The following CAND1 variants were observed in gnomAD, a reference collection of about 807,000 sequenced individuals.
CAND1 encodes cullin-associated NEDD8-dissociated protein 1.
In CAND1, 7 loss-of-function variants were observed where a neutral mutation model predicts 108.5. The observed-to-expected ratio is 0.06, with a 90% CI of 0.04 to 0.12. The LOEUF (loss-of-function observed/expected upper bound fraction) is 0.12, where lower values mean the gene tolerates loss of function less well. Ranked by LOEUF, CAND1 falls within the 10% of genes least tolerant of loss-of-function variation. The pLI is 1.00. For synonymous variants in CAND1, 534 were observed against 512.0 expected (o/e 1.04, Z -0.58); for missense variants, 941 against 1,448.7 (o/e 0.65, Z 5.69).
chr12:67,284,922 G>A (rs956074272), intron 2 of CAND1, among the ~76,000 whole-genome samples: 3 of 152,140 alleles, frequency 2.0e-5, no homozygotes, highest in Admixed American at 6.5e-5. Context: ...AAGACAGAGG[G>A]GTAGGAAGAA....
intron 2 of CAND1, among the ~76,000 whole-genome samples, chr12:67,283,773 G>A (rs1189622431): frequency 6.6e-6 from 1 of 152,030 alleles, no homozygotes; most frequent in Non-Finnish European, 1.5e-5. Context: ...GTCCCATATT[G>A]AGAGTTGGGA....
At chr12:67,272,044 A>G (rs946347067) in intron 1 of CAND1, among the ~76,000 whole-genome samples, 5 of 152,280 alleles carry the variant, frequency 3.3e-5, no homozygotes, top group Admixed American at 2.0e-4. Flanking sequence ...CCTTGTTCTC[A>G]TTAGAAGTTT....
chr12:67,290,751 A>G (rs2044714953), intron 2 of CAND1, among the ~76,000 whole-genome samples: 1 of 152,216 alleles, frequency 6.6e-6, no homozygotes, highest in Non-Finnish European at 1.5e-5. Context: ...GTGACTTCTT[A>G]ATATAGGGGT....
chr12:67,271,063 A>G (rs1175685134), intron 1 of CAND1, among the ~76,000 whole-genome samples: 4 of 152,368 alleles, frequency 2.6e-5, no homozygotes, highest in East Asian at 3.9e-4. Flanking sequence ...AAAATAATCA[A>G]TGACCACAAA....
At chr12:67,302,262 GT>G (rs2044832233) in intron 7 of CAND1, 60 bp from the exon 8 acceptor site, 14 of 1,438,468 alleles carry the variant, frequency 9.7e-6, no homozygotes, top group Non-Finnish European at 1.3e-5. Context: ...TTGATTTTCT[GT>G]TTTAAATGAT....
rs371413162 is a variant in CAND1, at chr12:67,312,702, G to A, written c.3565G>A (p.Ala1189Thr). The A allele has an allele frequency of 1.9e-6, 3 of 1,613,668 alleles. No individual in the cohort carries two copies. Among genetic ancestry groups the A allele is most frequent in the Non-Finnish European group, 2.5e-6 (3 of 1,179,760 alleles). ...AGCAGCACTGCTAACCATTCCAGAA[G>A]CAGAGAAGAGTCCACTGATGAGTGA... is the stretch of plus-strand genomic sequence containing the variant. ...AVAALLTIPEAEKSPLMSEFQ... is the reference protein window; with the variant it reads ...AVAALLTIPETEKSPLMSEFQ... The change falls in exon 15 of 15, where the codon GCA (alanine) becomes ACA (threonine). Residue 1189 changes from alanine (A) to threonine (T), a missense_variant. Ala to Thr is a moderately conservative substitution (Grantham distance 58). Around this residue, in one of 9 missense-constraint regions of CAND1, gnomAD observed 39 missense variants for 51.3 expected, o/e 0.76. Coordinates refer to ENST00000545606, the MANE Select transcript of CAND1 (RefSeq NM_018448.5).
chr12:67,311,407 A>G (rs11176678), intron 13 of CAND1: 112,015 of 151,838 alleles, frequency 0.74, 42,144 homozygotes, highest in African/African-American at 0.87. Flanking sequence ...AATGTGTGCC[A>G]TATTCTGACA....
At chr12:67,280,036 G>A (rs1426995485) in intron 1 of CAND1, among the ~76,000 whole-genome samples, 1 of 152,144 alleles carries the variant, frequency 6.6e-6, no homozygotes, top group Non-Finnish European at 1.5e-5. Flanking sequence ...ATGAAAATTA[G>A]TCATGTAGTT....
chr12:67,295,185 C>G, intron 4 of CAND1, 29 bp downstream of exon 4: 2 of 1,578,774 alleles, frequency 1.3e-6, no homozygotes, highest in South Asian at 1.2e-5. Flanking sequence ...TTCCGTTACT[C>G]GTAATACAGA....
chr12:67,314,047 T>G lies in CAND1; in HGVS notation c.*1217T>G, dbSNP rs1177062379. 6.6e-6 allele frequency: 1 copy of G among 152,470 alleles called. No individual in the cohort carries two copies. Among genetic ancestry groups the G allele is most frequent in the Non-Finnish European group, 1.5e-5 (1 of 68,002 alleles). The allele number at this position is 152,470 out of a possible 1,614,324, so 9.4% of individuals were successfully genotyped here. A position where few individuals can be genotyped will look rare whatever the true frequency, so the allele number is the denominator to read the frequency against. ...AGTTAAAATTTTATTTAACATATCC[T>G]TCAGTGAGCTCATTTCACACTGTAG... On this transcript the variant is annotated 3_prime_UTR_variant, in exon 15 of 15. Coordinates refer to ENST00000545606, the MANE Select transcript of CAND1 (RefSeq NM_018448.5).
chr12:67,307,317 T>TA, intron 10 of CAND1, 80 bp from the exon 11 acceptor site: 4 of 926,264 alleles, frequency 4.3e-6, no homozygotes, highest in Non-Finnish European at 7.0e-6. Context: ...ACACTGGTGT[T>TA]ATTTGGAGTG....
intron 11 of CAND1, among the ~76,000 whole-genome samples, chr12:67,308,475 A>G (rs2044912356): frequency 1.3e-5 from 2 of 152,132 alleles, no homozygotes; most frequent in South Asian, 2.1e-4. Flanking sequence ...GGCCCATGCC[A>G]TATCTCTAGA....
intron 8 of CAND1, among the ~76,000 whole-genome samples, chr12:67,303,992 CTTTT>C (rs397849975): frequency 1.4e-5 from 2 of 138,552 alleles, no homozygotes; most frequent in Admixed American, 7.2e-5. Flanking sequence ...CTTTCTTTCT[CTTTT>C]TTTTTTTTTT....
In CAND1 at chr12:67,316,266, T is replaced by A. The variant is rs968822337; in HGVS notation, c.*3436T>A. On this transcript the variant is annotated 3_prime_UTR_variant, in exon 15 of 15. Coordinates refer to ENST00000545606, the MANE Select transcript of CAND1 (RefSeq NM_018448.5). ...ACTGACTTTTCCATTTAAATAAAAT[T>A]CATTTGATAATTTTGGTTGCAAAAG... 1 of 152,242 alleles carries A rather than the reference T, an allele frequency of 6.6e-6. No individual in the cohort carries two copies. The highest frequency in any genetic ancestry group is 1.5e-5 in the Non-Finnish European group (1 of 68,038). The allele number at this position is 152,242 out of a possible 1,614,324, so 9.4% of individuals were successfully genotyped here.
rs557106057 is a variant in CAND1, at chr12:67,269,643, T to TGGC, written c.-59_-57dup. 1,037 of 1,315,766 alleles carry TGGC rather than the reference T, an allele frequency of 7.9e-4. 3 individuals carry two copies. The African/African-American group carries it at 9.8e-3, about 12-fold the overall frequency. The allele number at this position is 1,315,766 out of a possible 1,614,324, so 81.5% of individuals were successfully genotyped here. ...CCGCGAGCGAGAGGAGGAGCTCCAG[T>TGGC]GGCGGCGGCGGCGGCGGCAGCGGCA... On this transcript the variant is annotated 5_prime_UTR_variant, in exon 1 of 15. Coordinates refer to ENST00000545606, the MANE Select transcript of CAND1 (RefSeq NM_018448.5).
At position 67,286,799 on chromosome 12, in the gene CAND1, C is replaced by T. The variant is rs983311319; in HGVS notation, c.212+4746C>T. 7.2e-5 allele frequency among the ~76,000 whole-genome samples: 11 copies of T among 152,104 alleles called. No individual in the cohort carries two copies. In the East Asian group the frequency reaches 2.1e-3, roughly 29 times the overall value. On this transcript the variant is annotated intron_variant, in intron 2 of 14. Transcript: ENST00000545606. ...TCTGATTTTAGCTTTACTTTTAGTT[C>T]TGTGATCTATCTTGAATTTATTTTT...
At chr12:67,296,801 TG>T (rs1457360828) in intron 4 of CAND1, among the ~76,000 whole-genome samples, 6 of 151,778 alleles carry the variant, frequency 4.0e-5, no homozygotes. Flanking sequence ...TGGTTGTTGT[TG>T]TTTGTGTTTG....
rs2044986600 is a variant in CAND1, at chr12:67,314,370, G to C, written c.*1540G>C. 6.6e-6 allele frequency: 1 copy of C among 152,184 alleles called. No individual in the cohort carries two copies. Among genetic ancestry groups the C allele is most frequent in the Admixed American group, 6.5e-5 (1 of 15,288 alleles). 9.4% of individuals were successfully genotyped at this position (152,184 alleles called of 1,614,324 possible). On this transcript the variant is annotated 3_prime_UTR_variant, in exon 15 of 15. Transcript: ENST00000545606. ...ACAGCTTGATTTTGAATGTTCAGAT[G>C]ATAATGCAGAAGACATCACTTCTAG...
At chr12:67,289,293 AC>A (rs2044700722) in intron 2 of CAND1, among the ~76,000 whole-genome samples, 1 of 152,098 alleles carries the variant, frequency 6.6e-6, no homozygotes. Context: ...ATCTCAGCTA[AC>A]CACAACCTGC....
Sources: allele counts gnomAD v4.1 joint callset (sites outside exome capture counted in the v4.1 genomes callset), GRCh38; gene constraint gnomAD v4.1.1; regional missense constraint gnomAD v4.1.1; transcripts MANE v1.5; gene names NCBI Gene and HGNC (gene_info 2026-07-23, HGNC 2026-07-21).